PPEF1: variants seen among roughly 807,000 people sequenced by gnomAD.
PPEF1 encodes serine/threonine-protein phosphatase with EF-hands 1.
In PPEF1, 12 loss-of-function variants were observed where a neutral mutation model predicts 53.3. The ratio of observed to expected loss-of-function variants is 0.23; its 90% CI spans 0.14 to 0.36. The LOEUF is 0.36. PPEF1 is among the 10% of genes least tolerant of loss of function. The pLI is 1.00. For synonymous variants in PPEF1, 165 were observed against 176.7 expected (o/e 0.93, Z 0.52); for missense variants, 334 against 490.4 (o/e 0.68, Z 3.01).
rs768955351 is a variant in PPEF1, at chrX:18,807,714, C to T, written c.1394+1169C>T. Among the ~76,000 whole-genome samples the T allele has an allele frequency of 4.4e-4, 49 of 111,521 alleles. 1 individual carries two copies. Among genetic ancestry groups the T allele is most frequent in the African/African-American group, 1.5e-3 (45 of 30,698 alleles). ...TTGCTCTGTTGCCCAGGCTGGAGTG[C>T]AGTGGCACGATCTTGGCTCACTGCA... On this transcript the variant is annotated intron_variant, in intron 12 of 15. Coordinates refer to ENST00000470157, the MANE Select transcript of PPEF1 (RefSeq NM_001377996.1).
chrX:18,705,941 T>C (rs148176037), upstream of PPEF1, among the ~76,000 whole-genome samples: 3 of 111,086 alleles, frequency 2.7e-5, no homozygotes, highest in East Asian at 5.7e-4. Flanking sequence ...AAGATAGATA[T>C]GTCAGTTGTT....
At chrX:18,786,774 CTA>C (rs1836225193) in intron 9 of PPEF1, among the ~76,000 whole-genome samples, 1 of 65,522 alleles carries the variant, frequency 1.5e-5, no homozygotes, top group Admixed American at 1.8e-4. Context: ...CAGTGAAACA[CTA>C]TCTCAAAAAA....
At chrX:18,717,253 A>T (rs73458643) in intron 1 of PPEF1, among the ~76,000 whole-genome samples, 2,515 of 108,421 alleles carry the variant, frequency 0.023, 82 homozygotes, top group African/African-American at 0.08. Context: ...ATTAACCTCT[A>T]CGTACTTCAG....
At chrX:18,713,004 T>C (rs1303492855) in intron 1 of PPEF1, among the ~76,000 whole-genome samples, 1 of 111,952 alleles carries the variant, frequency 8.9e-6, no homozygotes. Flanking sequence ...ATGCTTTTTA[T>C]ATGCTGCTGA....
chrX:18,825,431 A>G (rs1487098709), intron 14 of PPEF1, among the ~76,000 whole-genome samples: 2 of 112,180 alleles, frequency 1.8e-5, no homozygotes, highest in South Asian at 3.7e-4. Flanking sequence ...CCTGTTTTCA[A>G]ATTTGTAAAA....
At position 18,812,631 on chromosome X, in the gene PPEF1, A is replaced by G. The variant is rs1384832546; in HGVS notation, c.1395-5408A>G. ...ATCCATGAACATGAAATTTTGTTCT[A>G]TTTAAATCTTCTTTAATTTCCTCCA... On this transcript the variant is annotated intron_variant, in intron 12 of 15. Transcript: ENST00000470157. 3.6e-5 allele frequency among the ~76,000 whole-genome samples: 4 copies of G among 112,353 alleles called. No homozygotes were observed. In the East Asian group the frequency reaches 1.1e-3, roughly 31 times the overall value.
upstream of PPEF1, among the ~76,000 whole-genome samples, chrX:18,703,983 G>A (rs1211293268): frequency 9.7e-6 from 1 of 103,395 alleles, no homozygotes; most frequent in Non-Finnish European, 2.0e-5. Flanking sequence ...GAGTGCAGTG[G>A]TGTGATCACG....
At chrX:18,698,587 C>T (rs1363455167) in intron 5 of PPEF1, among the ~76,000 whole-genome samples, 1 of 111,799 alleles carries the variant, frequency 8.9e-6, no homozygotes, top group African/African-American at 3.3e-5. Flanking sequence ...GAGTTTGACA[C>T]TAGCATGGCC....
At chrX:18,695,182 G>T (rs903036562) in intron 4 of PPEF1, among the ~76,000 whole-genome samples, 1 of 112,298 alleles carries the variant, frequency 8.9e-6, no homozygotes, top group South Asian at 3.6e-4. Context: ...AGTTCCTCAT[G>T]GTCTGTTTGA....
intron 9 of PPEF1, among the ~76,000 whole-genome samples, chrX:18,788,304 CAA>C (rs1214682551): frequency 3.3e-5 from 1 of 30,301 alleles, no homozygotes. Flanking sequence ...GACTCTGTCT[CAA>C]AAAAAAAAAA....
intron 5 of PPEF1, among the ~76,000 whole-genome samples, chrX:18,760,079 G>A (rs192387179): frequency 1.6e-3 from 173 of 110,914 alleles, no homozygotes; most frequent in Non-Finnish European, 2.7e-3. Context: ...TCTGCCTCCC[G>A]GGGCTCCAGC....
chrX:18,733,137 C>T (rs1325223310), intron 2 of PPEF1, among the ~76,000 whole-genome samples: 1 of 111,179 alleles, frequency 9.0e-6, no homozygotes, highest in Non-Finnish European at 1.9e-5. Flanking sequence ...TCCGGGGAGG[C>T]GGAGGTTACA....
chrX:18,722,333 C>G (rs188714172), intron 1 of PPEF1, among the ~76,000 whole-genome samples: 2 of 111,969 alleles, frequency 1.8e-5, no homozygotes, highest in East Asian at 5.6e-4. Flanking sequence ...TCAGCTGTGT[C>G]GCACTTGTGC....
intron 10 of PPEF1, among the ~76,000 whole-genome samples, chrX:18,793,294 ATTTC>A (rs1331333472): frequency 9.1e-6 from 1 of 109,789 alleles, no homozygotes; most frequent in Non-Finnish European, 1.9e-5. Context: ...TATCCTTGTG[ATTTC>A]TTTAACTTAT....
At chrX:18,784,070 A>G (rs749682858) in intron 9 of PPEF1, 22 bp downstream of exon 9, 2 of 1,161,789 alleles carry the variant, frequency 1.7e-6, no homozygotes, top group South Asian at 2.1e-5. Context: ...TGTTGGCATG[A>G]ATCTTCTCTC....
chrX:18,718,094 CT>C (rs1206747618), intron 1 of PPEF1, among the ~76,000 whole-genome samples: 2 of 111,839 alleles, frequency 1.8e-5, no homozygotes, highest in African/African-American at 6.5e-5. Context: ...CATTTAATGC[CT>C]GTATGAAACA....
chrX:18,807,573 C>G (rs184684710), intron 12 of PPEF1, among the ~76,000 whole-genome samples: 1 of 112,033 alleles, frequency 8.9e-6, no homozygotes, highest in African/African-American at 3.2e-5. Flanking sequence ...GTGTCAGATA[C>G]TATTCTAGGC....
At chrX:18,771,692 T>C (rs1470471555) in intron 6 of PPEF1, among the ~76,000 whole-genome samples, 1 of 111,708 alleles carries the variant, frequency 9.0e-6, no homozygotes, top group African/African-American at 3.2e-5. Flanking sequence ...ACATATAATT[T>C]TGACTCCCCC....
chrX:18,778,757 G>A (rs2046021445), intron 6 of PPEF1, among the ~76,000 whole-genome samples: 1 of 110,821 alleles, frequency 9.0e-6, no homozygotes. Flanking sequence ...AGTAGGTGGT[G>A]GGTAGAATTA....
Sources: allele counts gnomAD v4.1 joint callset (sites outside exome capture counted in the v4.1 genomes callset), GRCh38; gene constraint gnomAD v4.1.1; transcripts MANE v1.5; gene names NCBI Gene and HGNC (gene_info 2026-07-23, HGNC 2026-07-21).